The following AP3S2 variants were observed in gnomAD, a reference collection of about 807,000 sequenced individuals.
AP3S2 encodes the protein AP-3 complex subunit sigma-2.
Under a neutral mutation model 23.4 loss-of-function variants are expected in AP3S2, and 22 were observed. The observed-to-expected ratio is 0.94, with a 90% confidence interval of 0.67 to 1.34. AP3S2 has a LOEUF of 1.34. Ranked by LOEUF, AP3S2 falls within the 40% of genes most tolerant of loss-of-function variation. The pLI, the probability that AP3S2 is intolerant of heterozygous loss-of-function variation, is 0.00. For missense variants in AP3S2, 241 were observed against 236.9 expected (o/e 1.02, Z -0.11); for synonymous variants, 86 against 87.1 (o/e 0.99, Z 0.07).
At chr15:89,853,087 A>AT (rs1360029042) in intron 4 of AP3S2, among the ~76,000 whole-genome samples, 2 of 152,178 alleles carry the variant, frequency 1.3e-5, no homozygotes, top group African/African-American at 4.8e-5. Flanking sequence ...CTGAACTATC[A>AT]TAAGGTTTTG....
Position 89,877,387 on chromosome 15 carries a change from G to T in AP3S2, c.274-5841C>A, listed in dbSNP as rs1014710813. On this transcript the variant is annotated intron_variant, in intron 3 of 5. Transcript: ENST00000336418. Reference sequence around the variant, plus strand: ...AAGAGCTAGTGTTCCAGTTTGTAGGGTGTTGCACTGGCTTTTCTTCCTCTC... The same window carrying T: ...AAGAGCTAGTGTTCCAGTTTGTAGGTTGTTGCACTGGCTTTTCTTCCTCTC... 1.1e-5 allele frequency: 14 copies of T among 1,291,336 alleles called. No individual in the cohort carries two copies. The African/African-American group carries it at 2.1e-4, about 20-fold the overall frequency. 80.0% of individuals were successfully genotyped at this position (1,291,336 alleles called of 1,614,324 possible). A position where few individuals can be genotyped will look rare whatever the true frequency, so the allele number is the denominator to read the frequency against.
intron 4 of AP3S2, chr15:89,845,596 C>T (rs1895467710): frequency 6.6e-6 from 1 of 152,226 alleles, no homozygotes; most frequent in Admixed American, 6.5e-5. Flanking sequence ...TGTTAAACAA[C>T]AGAAGTTGGC....
At chr15:89,893,429 A>T (rs1896864628) in intron 1 of AP3S2, 1 of 291,746 alleles carries the variant, frequency 3.4e-6, no homozygotes, top group Non-Finnish European at 6.3e-6. Context: ...CCCAGCCAAC[A>T]CTGAAGCAAA....
In AP3S2 at chr15:89,861,285, C is replaced by T. The variant is rs1394765720; in HGVS notation, c.345+10190G>A. 2.6e-5 allele frequency among the ~76,000 whole-genome samples: 4 copies of T among 152,002 alleles called. No individual in the cohort carries two copies. In the East Asian group the frequency reaches 7.7e-4, roughly 29 times the overall value. The stretch of plus-strand genomic sequence containing the variant: ...ATATGTTTCAATTCTCTTGAGAGGG[C>T]CCACTGCAAATTGAAATCTATTTAA... On this transcript the variant is annotated intron_variant, in intron 4 of 5. Coordinates refer to ENST00000336418, the MANE Select transcript of AP3S2 (RefSeq NM_005829.5).
In AP3S2 at chr15:89,832,110, A is replaced by G. The variant is rs1895089914; in HGVS notation, c.*3405T>C. 1 of 152,190 alleles carries G rather than the reference A, an allele frequency of 6.6e-6. No homozygotes were observed. Among genetic ancestry groups the G allele is most frequent in the African/African-American group, 2.4e-5 (1 of 41,432 alleles). 9.4% of individuals were successfully genotyped at this position (152,190 alleles called of 1,614,324 possible). ...CCAGGCACTTAGAAATTGCATAATGAAAGAATTTCAGATTTTTATTAGTGG... is the reference window on the plus strand; with the variant it reads ...CCAGGCACTTAGAAATTGCATAATGGAAGAATTTCAGATTTTTATTAGTGG... On this transcript the variant is annotated 3_prime_UTR_variant, in exon 6 of 6. Transcript: ENST00000336418.
chr15:89,871,688 TG>T, intron 3 of AP3S2, 142 bp from the exon 4 acceptor site: 1 of 799,724 alleles, frequency 1.3e-6, no homozygotes, highest in East Asian at 2.8e-5. Context: ...ACCTACCTTT[TG>T]TCTCCAGCAT....
At position 89,862,597 on chromosome 15, in the gene AP3S2, C is replaced by G. The variant is rs565631887; in HGVS notation, c.345+8878G>C. On this transcript the variant is annotated intron_variant, in intron 4 of 5. Transcript: ENST00000336418. ...AGAAGGACATTACAGAAAAAAGCAA[C>G]AGATTTAGTGATTGACTGGACCTTG... Among the ~76,000 whole-genome samples, 4 of 152,194 alleles carry G rather than the reference C, an allele frequency of 2.6e-5. No homozygotes were observed. The East Asian group carries it at 7.7e-4, about 29-fold the overall frequency.
chr15:89,836,026 TCAAA>T (rs112350158), intron 5 of AP3S2, among the ~76,000 whole-genome samples: 43,002 of 151,622 alleles, frequency 0.28, 6,639 homozygotes, highest in East Asian at 0.57. Flanking sequence ...AGACTCTGTC[TCAAA>T]CAAACAAACA....
chr15:89,869,777 A>G (rs1428028714), intron 4 of AP3S2, among the ~76,000 whole-genome samples: 1 of 150,874 alleles, frequency 6.6e-6, no homozygotes, highest in African/African-American at 2.4e-5. Flanking sequence ...TTTTTGAGAC[A>G]CAGTCTCGCT....
At chr15:89,854,605 T>C (rs867858962) in intron 4 of AP3S2, among the ~76,000 whole-genome samples, 33 of 48,576 alleles carry the variant, frequency 6.8e-4, no homozygotes, top group East Asian at 1.5e-3. Flanking sequence ...CCAGCCGCCC[T>C]GTCCGGGAGG....
Position 89,889,053 on chromosome 15 carries a change from C to T in AP3S2, c.157G>A (p.Gly53Arg), listed in dbSNP as rs1056214220. ...DDNICNFLEG[G>R]SLIGGSDYKL... is the part of the protein sequence containing the mutation. ...AAAATGAAGCTGACAGTTTACCTTC[C>T]ACCCTCCAAGAAGTTACAGATGTTG... is the stretch of plus-strand genomic sequence containing the variant. The change falls in exon 2 of 6, where the codon GGA (glycine) becomes AGA (arginine). Residue 53 changes from glycine to arginine, a missense_variant. Coordinates refer to ENST00000336418, the MANE Select transcript of AP3S2 (RefSeq NM_005829.5). The T allele has an allele frequency of 5.0e-6, 8 of 1,614,164 alleles. No individual in the cohort carries two copies. Among genetic ancestry groups the T allele is most frequent in the Admixed American group, 1.7e-5 (1 of 60,016 alleles).
chr15:89,853,400 A>G (rs186904787), intron 4 of AP3S2, among the ~76,000 whole-genome samples: 11 of 152,396 alleles, frequency 7.2e-5, no homozygotes, highest in Non-Finnish European at 1.5e-5. Flanking sequence ...ATTGTAAAAC[A>G]TACTATTTTT....
intron 1 of AP3S2, among the ~76,000 whole-genome samples, chr15:89,889,863 CAAAAAA>C (rs940624860): frequency 5.2e-5 from 1 of 19,236 alleles, no homozygotes; most frequent in South Asian, 3.0e-3. Context: ...GACTCCATCT[CAAAAAA>C]AAAAAAAAAA....
chr15:89,892,755 C>T (rs1389720907), intron 1 of AP3S2, among the ~76,000 whole-genome samples: 1 of 152,196 alleles, frequency 6.6e-6, no homozygotes, highest in Non-Finnish European at 1.5e-5. Flanking sequence ...GCTCCGCCTC[C>T]CGGGCTCACG....
chr15:89,844,222 TC>T (rs1441669891), intron 4 of AP3S2, among the ~76,000 whole-genome samples: 4 of 27,718 alleles, frequency 1.4e-4, no homozygotes, highest in African/African-American at 5.6e-4. Context: ...TTTCTTTCTT[TC>T]TTTCTTTCTT....
rs1062925 is a variant in AP3S2, at chr15:89,831,847, G to A, written c.*3668C>T. ...GAGGAAGGTGGGCTGTTTGGGGTAT[G>A]GCCCAGCAGGGCACGATGTGATCAG... is the stretch of plus-strand genomic sequence containing the variant. On this transcript the variant is annotated 3_prime_UTR_variant, in exon 6 of 6. Coordinates refer to ENST00000336418, the MANE Select transcript of AP3S2 (RefSeq NM_005829.5). 1.3e-5 allele frequency: 2 copies of A among 152,306 alleles called. No homozygotes were observed. Among genetic ancestry groups the A allele is most frequent in the Non-Finnish European group, 2.9e-5 (2 of 68,084 alleles). 9.4% of individuals were successfully genotyped at this position (152,306 alleles called of 1,614,324 possible).
At chr15:89,858,485 A>AGAGAGAG (rs1895902947) in intron 4 of AP3S2, among the ~76,000 whole-genome samples, 1 of 38,832 alleles carries the variant, frequency 2.6e-5, no homozygotes, top group African/African-American at 6.5e-5. Flanking sequence ...GAAAGAAAGA[A>AGAGAGAG]AGAAAGAAAG....
intron 3 of AP3S2, chr15:89,877,447 T>TA: frequency 8.1e-7 from 1 of 1,237,698 alleles, no homozygotes; most frequent in Non-Finnish European, 1.1e-6. Flanking sequence ...ACACGTAACA[T>TA]AAAATTTACC....
At chr15:89,853,687 C>G (rs1281386521) in intron 4 of AP3S2, among the ~76,000 whole-genome samples, 11 of 135,644 alleles carry the variant, frequency 8.1e-5, no homozygotes, top group African/African-American at 3.1e-4. Flanking sequence ...CAGCCGCCAT[C>G]ACATCTAGGA....
Sources: allele counts gnomAD v4.1 joint callset (sites outside exome capture counted in the v4.1 genomes callset), GRCh38; gene constraint gnomAD v4.1.1; transcripts MANE v1.5; gene names NCBI Gene and HGNC (gene_info 2026-07-23, HGNC 2026-07-21).